Variants in MTHFD1 observed in about 807,000 individuals in gnomAD.
The protein encoded by MTHFD1 is methylenetetrahydrofolate dehydrogenase, cyclohydrolase and formyltetrahydrofolate synthetase 1.
A neutral mutation model predicts 110.3 loss-of-function variants in MTHFD1; 44 were observed. That is an observed-to-expected ratio of 0.40 (90% CI 0.31 to 0.51). The LOEUF (loss-of-function observed/expected upper bound fraction) is 0.51. Among genes scored for constraint, MTHFD1 ranks in the 20% least tolerant of loss-of-function variants. The pLI is 0.60. For missense variants in MTHFD1, 909 were observed against 1,173.1 expected (o/e 0.77, Z 3.29); for synonymous variants, 402 against 428.8 (o/e 0.94, Z 0.77).
chr14:64,391,056 G>A (rs1304157673), intron 1 of MTHFD1, among the ~76,000 whole-genome samples: 2 of 152,192 alleles, frequency 1.3e-5, no homozygotes, highest in Non-Finnish European at 2.9e-5. Flanking sequence ...AATGGCAATG[G>A]CTCAACTAAA....
rs1372784221 is a variant in MTHFD1, at chr14:64,459,766, T to C, written c.*12T>C. On this transcript the variant is annotated 3_prime_UTR_variant, in exon 28 of 28. Coordinates refer to ENST00000652337, the MANE Select transcript of MTHFD1 (RefSeq NM_005956.4). Reference sequence around the variant, plus strand: ...TCTTGTTTTTCCTTCCAGATCACCATCCATCTTCAAGAAGCTACTTTGAAA... The same window carrying C: ...TCTTGTTTTTCCTTCCAGATCACCACCCATCTTCAAGAAGCTACTTTGAAA... 6 of 1,533,054 alleles carry C rather than the reference T, an allele frequency of 3.9e-6. No homozygotes were observed. The highest frequency in any genetic ancestry group is 5.2e-6 in the Non-Finnish European group (6 of 1,145,824). 95.0% of individuals were successfully genotyped at this position (1,533,054 alleles called of 1,614,324 possible).
At chr14:64,428,102 G>GTTTTTTTTTTTTTTTT (rs11289659) in intron 12 of MTHFD1, among the ~76,000 whole-genome samples, 1 of 74,686 alleles carries the variant, frequency 1.3e-5, no homozygotes, top group Non-Finnish European at 2.5e-5. Flanking sequence ...AAGAACATGT[G>GTTTTTTTTTTTTTTTT]TTTTTTTTTT....
intron 23 of MTHFD1, 74 bp from the exon 24 acceptor site, chr14:64,449,371 T>C: frequency 6.4e-7 from 1 of 1,551,076 alleles, no homozygotes; most frequent in African/African-American, 1.4e-5. Flanking sequence ...CACATGAGGT[T>C]TAATGGCAAA....
intron 8 of MTHFD1, among the ~76,000 whole-genome samples, chr14:64,421,802 T>A (rs1379189929): frequency 1.3e-5 from 2 of 151,974 alleles, no homozygotes; most frequent in East Asian, 3.9e-4. Context: ...TTTTTTTGTA[T>A]TTTTAGTAGA....
At chr14:64,414,969 G>A (rs1027826305) in intron 4 of MTHFD1, among the ~76,000 whole-genome samples, 9 of 150,344 alleles carry the variant, frequency 6.0e-5, no homozygotes, top group African/African-American at 2.0e-4. Context: ...AATTACAGTC[G>A]TGAACCACCG....
At chr14:64,430,877 C>T (rs1193396848) in intron 13 of MTHFD1, among the ~76,000 whole-genome samples, 4 of 152,184 alleles carry the variant, frequency 2.6e-5, no homozygotes, top group Middle Eastern at 3.4e-3. Flanking sequence ...GACATAGAGT[C>T]GGTGCTGCTC....
intron 8 of MTHFD1, among the ~76,000 whole-genome samples, chr14:64,423,329 G>A (rs1201436699): frequency 1.3e-5 from 2 of 152,108 alleles, no homozygotes; most frequent in African/African-American, 2.4e-5. Context: ...TTTGCCCTCA[G>A]CAAATTTGTG....
intron 9 of MTHFD1, among the ~76,000 whole-genome samples, chr14:64,425,141 A>G (rs1380836738): frequency 6.6e-6 from 1 of 152,110 alleles, no homozygotes; most frequent in Non-Finnish European, 1.5e-5. Flanking sequence ...TTGGAATATA[A>G]TAACTTTGAA....
At chr14:64,447,972 G>C (rs1026720499) in intron 22 of MTHFD1, 1 of 537,058 alleles carries the variant, frequency 1.9e-6, no homozygotes. Context: ...TTTTTTTCTT[G>C]AAGGCTGGGA....
chr14:64,389,778 A>G (rs2077790215), intron 1 of MTHFD1, among the ~76,000 whole-genome samples: 3 of 150,990 alleles, frequency 2.0e-5, no homozygotes, highest in Admixed American at 6.6e-5. Context: ...GCTAAACTGT[A>G]TTTCTGCTTT....
At position 64,415,428 on chromosome 14, in the gene MTHFD1, A is replaced by G; in HGVS notation, c.311A>G (p.Asp104Gly). The change falls in exon 5 of 28, where the codon GAT becomes GGT. Residue 104 changes from aspartate to glycine, a missense_variant. This residue lies in a region of MTHFD1 where 424 missense variants were observed against 510.4 expected (regional missense o/e 0.83). Coordinates refer to ENST00000652337, the MANE Select transcript of MTHFD1 (RefSeq NM_005956.4). ...GGGTTCTTAGTGCAGCTACCTTTAG[A>G]TTCAGAGAATTCCATTAACACTGAA... ...VHGFLVQLPLDSENSINTEEV... is the reference protein window; with the variant it reads ...VHGFLVQLPLGSENSINTEEV... The G allele has an allele frequency of 6.2e-7, 1 of 1,613,688 alleles. No homozygotes were observed. The highest frequency in any genetic ancestry group is 1.1e-5 in the South Asian group (1 of 91,066).
chr14:64,424,739 G>A (rs2078105841), intron 8 of MTHFD1, 65 bp from the exon 9 acceptor site: 1 of 1,590,254 alleles, frequency 6.3e-7, no homozygotes, highest in African/African-American at 1.3e-5. Flanking sequence ...CTGAGTTTTT[G>A]TCGTAACTGA....
intron 15 of MTHFD1, among the ~76,000 whole-genome samples, chr14:64,432,448 T>C (rs2078167395): frequency 6.6e-6 from 1 of 152,244 alleles, no homozygotes; most frequent in Non-Finnish European, 1.5e-5. Flanking sequence ...GCTCTATTAA[T>C]AATTTCCAAA....
At chr14:64,442,790 C>T (rs918304807) in intron 21 of MTHFD1, among the ~76,000 whole-genome samples, 20 of 152,178 alleles carry the variant, frequency 1.3e-4, no homozygotes, top group African/African-American at 4.8e-4. Flanking sequence ...AGACAGAGGT[C>T]AGCCCCTTCT....
At chr14:64,410,371 C>T (rs920971569) in intron 2 of MTHFD1, among the ~76,000 whole-genome samples, 10 of 149,746 alleles carry the variant, frequency 6.7e-5, no homozygotes, top group Non-Finnish European at 1.2e-4. Context: ...GGACTACAGG[C>T]AGGCACCACT....
chr14:64,426,533 C>T (rs977168294), intron 11 of MTHFD1, among the ~76,000 whole-genome samples: 1 of 152,130 alleles, frequency 6.6e-6, no homozygotes, highest in Admixed American at 6.5e-5. Flanking sequence ...TGCAGTGGCA[C>T]GATCTCGGCT....
chr14:64,430,272 T>C (rs1391804089), intron 13 of MTHFD1, 42 bp downstream of exon 13: 2 of 1,577,018 alleles, frequency 1.3e-6, no homozygotes, highest in Admixed American at 1.7e-5. Flanking sequence ...TCCCCCTTTT[T>C]TTGTCGGGGG....
chr14:64,448,442 C>G, intron 23 of MTHFD1, 125 bp downstream of exon 23: 1 of 806,168 alleles, frequency 1.2e-6, no homozygotes, highest in Non-Finnish European at 2.1e-6. Context: ...GTGGTTTTAG[C>G]CTGCACTGTG....
At chr14:64,409,712 A>G (rs1308939785) in intron 2 of MTHFD1, among the ~76,000 whole-genome samples, 1 of 152,150 alleles carries the variant, frequency 6.6e-6, no homozygotes, top group Non-Finnish European at 1.5e-5. Context: ...TTAAAAAAAA[A>G]GGTAGAATTC....
Sources: allele counts gnomAD v4.1 joint callset (sites outside exome capture counted in the v4.1 genomes callset), GRCh38; gene constraint gnomAD v4.1.1; regional missense constraint gnomAD v4.1.1; transcripts MANE v1.5; gene names NCBI Gene and HGNC (gene_info 2026-07-23, HGNC 2026-07-21).